Variants in GPATCH11 observed in about 807,000 individuals in gnomAD.
The protein encoded by GPATCH11 is G-patch domain containing 11, also known as G patch domain-containing protein 11.
GPATCH11 carries 32 observed loss-of-function variants against 44.8 expected under a neutral mutation model. That is an observed-to-expected ratio of 0.71 (90% CI 0.54 to 0.96). The LOEUF (loss-of-function observed/expected upper bound fraction) is 0.96, where lower values mean the gene tolerates loss of function less well. Among genes scored for constraint, GPATCH11 ranks in the 40% least tolerant of loss-of-function variants. The pLI is 0.00. For missense variants in GPATCH11, 324 were observed against 303.1 expected, an observed-to-expected ratio of 1.07 and a Z score of -0.51; for synonymous variants, 84 against 94.4, an observed-to-expected ratio of 0.89 and a Z score of 0.64.
rs1248798543 is a variant in GPATCH11, at chr2:37,098,514, AT to A, written c.*2252del. 6.6e-6 allele frequency: 1 copy of A among 152,138 alleles called. No homozygotes were observed. Among genetic ancestry groups the A allele is most frequent in the Non-Finnish European group, 1.5e-5 (1 of 68,050 alleles). The allele number at this position is 152,138 out of a possible 1,614,324, so 9.4% of individuals were successfully genotyped here. ...AGCCAAATGGATAATTTCAGATGGA[AT>A]GGAGTTAGACAGGAACTGGCTTCCC... is the stretch of plus-strand genomic sequence containing the variant. On this transcript the variant is annotated 3_prime_UTR_variant, in exon 9 of 9. Transcript: ENST00000674370.
chr2:37,090,822 A>T, intron 4 of GPATCH11, 100 bp downstream of exon 4: 1 of 618,550 alleles, frequency 1.6e-6, no homozygotes, highest in Non-Finnish European at 2.8e-6. Flanking sequence ...AAATGATAAT[A>T]CTGTTACAGT....
intron 2 of GPATCH11, 76 bp downstream of exon 2, chr2:37,088,516 A>G: frequency 1.3e-6 from 1 of 760,522 alleles, no homozygotes; most frequent in Non-Finnish European, 2.1e-6. Flanking sequence ...ATTTTATTTT[A>G]TTTTATTTTA....
Position 37,084,624 on chromosome 2 carries a change from CAG to C in GPATCH11, c.-14+57_-14+58del, listed in dbSNP as rs977697303. On this transcript the variant is annotated intron_variant, in intron 1 of 8. Coordinates refer to ENST00000674370, the MANE Select transcript of GPATCH11 (RefSeq NM_174931.4). Reference sequence around the variant, plus strand: ...GGACAACCGGTAGAATGATAAAAGGCAGAGTGCGCTGGCCATGACTACCGTAT... The same window carrying C: ...GGACAACCGGTAGAATGATAAAAGGCAGTGCGCTGGCCATGACTACCGTAT... The C allele has an allele frequency of 1.4e-5, 17 of 1,211,506 alleles. No individual in the cohort carries two copies. The African/African-American group carries it at 1.7e-4, about 12-fold the overall frequency. 75.0% of individuals were successfully genotyped at this position (1,211,506 alleles called of 1,614,324 possible). A position where few individuals can be genotyped will look rare whatever the true frequency, so the allele number is the denominator to read the frequency against.
Position 37,096,790 on chromosome 2 carries a change from C to A in GPATCH11, c.*527C>A, listed in dbSNP as rs1673608010. On this transcript the variant is annotated 3_prime_UTR_variant, in exon 9 of 9. Coordinates refer to ENST00000674370, the MANE Select transcript of GPATCH11 (RefSeq NM_174931.4). Reference sequence around the variant, plus strand: ...AGGGAAACCACCAGGGGCTGGACCACACATGCTCAGTTCCTTCTTGTATCA... The same window carrying A: ...AGGGAAACCACCAGGGGCTGGACCAAACATGCTCAGTTCCTTCTTGTATCA... The A allele has an allele frequency of 6.5e-6, 1 of 154,620 alleles. No homozygotes were observed. Among genetic ancestry groups the A allele is most frequent in the Non-Finnish European group, 1.4e-5 (1 of 69,930 alleles). The allele number at this position is 154,620 out of a possible 1,614,324, so 9.6% of individuals were successfully genotyped here.
At chr2:37,096,093 G>A (rs1056643565) in intron 8 of GPATCH11, 115 bp from the exon 9 acceptor site, 1 of 662,490 alleles carries the variant, frequency 1.5e-6, no homozygotes, top group Non-Finnish European at 2.5e-6. Context: ...ATCTTTTCTG[G>A]TTTAGCAGAA....
intron 6 of GPATCH11, among the ~76,000 whole-genome samples, chr2:37,093,343 A>G (rs1361550841): frequency 6.6e-6 from 1 of 151,594 alleles, no homozygotes; most frequent in Non-Finnish European, 1.5e-5. Context: ...AAAAAAATAA[A>G]TAAGTAAATA....
chr2:37,085,185 A>T (rs760585029), intron 1 of GPATCH11, among the ~76,000 whole-genome samples: 2 of 152,222 alleles, frequency 1.3e-5, no homozygotes, highest in Non-Finnish European at 2.9e-5. Flanking sequence ...CTGTAACCCC[A>T]TTCAGATGTG....
At chr2:37,088,146 T>G (rs1394798213) in intron 1 of GPATCH11, among the ~76,000 whole-genome samples, 1 of 151,902 alleles carries the variant, frequency 6.6e-6, no homozygotes, top group East Asian at 1.9e-4. Flanking sequence ...AAGGAGATAA[T>G]GATGACATCA....
chr2:37,090,803 C>CT (rs201403331), intron 4 of GPATCH11, 81 bp downstream of exon 4: 12,373 of 701,976 alleles, frequency 0.018, 152 homozygotes, highest in South Asian at 0.027. Flanking sequence ...TCAATAAATA[C>CT]TTTTTTTTAA....
At chr2:37,087,663 G>C (rs1448625406) in intron 1 of GPATCH11, among the ~76,000 whole-genome samples, 1 of 151,854 alleles carries the variant, frequency 6.6e-6, no homozygotes, top group East Asian at 1.9e-4. Context: ...AAGTGCTGTA[G>C]AGAAAGGCCT....
rs1673590682 is a variant in GPATCH11 at position 37,096,471 on chromosome 2, A to T, written c.*208A>T. The T allele has an allele frequency of 3.8e-6, 2 of 527,968 alleles. No individual in the cohort carries two copies. The highest frequency in any genetic ancestry group is 3.9e-5 in the Admixed American group (1 of 25,720). The allele number at this position is 527,968 out of a possible 1,614,324, so 32.7% of individuals were successfully genotyped here. On this transcript the variant is annotated 3_prime_UTR_variant, in exon 9 of 9. Coordinates refer to ENST00000674370, the MANE Select transcript of GPATCH11 (RefSeq NM_174931.4). ...ATTTCAGAACACAAGTATCACAGAG[A>T]TGGACAGTTACAATTTATTGCTATA...
At chr2:37,089,541 C>G in intron 2 of GPATCH11, 99 bp from the exon 3 acceptor site, 2 of 879,186 alleles carry the variant, frequency 2.3e-6, no homozygotes, top group Non-Finnish European at 3.5e-6. Flanking sequence ...CATTACAGCC[C>G]GGGCAACAAG....
chr2:37,098,612 A>G lies in GPATCH11; in HGVS notation c.*2349A>G, dbSNP rs1026461887. ...AAATATTTTAAATATGTTCATGACA[A>G]TTATGCTGAGAATGCCAGGATAACA... On this transcript the variant is annotated 3_prime_UTR_variant, in exon 9 of 9. Coordinates refer to ENST00000674370, the MANE Select transcript of GPATCH11 (RefSeq NM_174931.4). 7.2e-5 allele frequency: 11 copies of G among 152,232 alleles called. No homozygotes were observed. Among genetic ancestry groups the G allele is most frequent in the African/African-American group, 2.7e-4 (11 of 41,442 alleles). The allele number at this position is 152,232 out of a possible 1,614,324, so 9.4% of individuals were successfully genotyped here.
At chr2:37,096,185 C>T in intron 8 of GPATCH11, 23 bp from the exon 9 acceptor site, 2 of 1,472,122 alleles carry the variant, frequency 1.4e-6, no homozygotes, top group Middle Eastern at 1.8e-4. Context: ...ATTAATCTTT[C>T]ATTTCCCTCA....
intron 4 of GPATCH11, 51 bp downstream of exon 4, chr2:37,090,773 G>A: frequency 3.5e-6 from 3 of 858,462 alleles, no homozygotes; most frequent in Non-Finnish European, 5.5e-6. Context: ...CTTACGCTTA[G>A]GTCTACCACA....
intron 2 of GPATCH11, 122 bp downstream of exon 2, chr2:37,088,562 C>A: frequency 3.6e-6 from 2 of 557,892 alleles, no homozygotes; most frequent in Admixed American, 3.1e-5. Flanking sequence ...GTTAGCAAGG[C>A]TGGAGTGCAG....
At chr2:37,087,014 T>G (rs868516464) in intron 1 of GPATCH11, among the ~76,000 whole-genome samples, 30 of 152,158 alleles carry the variant, frequency 2.0e-4, no homozygotes, top group African/African-American at 6.5e-4. Flanking sequence ...TCTATCTGGC[T>G]TCATTCTTCA....
chr2:37,094,466 A>G, intron 7 of GPATCH11: 1 of 249,364 alleles, frequency 4.0e-6, no homozygotes, highest in Non-Finnish European at 7.8e-6. Context: ...CCAAATCAAA[A>G]CTTACATATA....
At chr2:37,095,120 C>T (rs1042885308) in intron 7 of GPATCH11, among the ~76,000 whole-genome samples, 10 of 152,098 alleles carry the variant, frequency 6.6e-5, no homozygotes, top group Non-Finnish European at 1.5e-5. Flanking sequence ...TCACCTTCAC[C>T]TTATCTGGGG....
Sources: allele counts gnomAD v4.1 joint callset (sites outside exome capture counted in the v4.1 genomes callset), GRCh38; gene constraint gnomAD v4.1.1; transcripts MANE v1.5; gene names NCBI Gene and HGNC (gene_info 2026-07-23, HGNC 2026-07-21).